Variants in PPARGC1A observed in about 807,000 individuals in gnomAD.
PPARGC1A encodes peroxisome proliferator-activated receptor gamma coactivator 1-alpha.
A neutral mutation model predicts 88.7 loss-of-function variants in PPARGC1A; 25 were observed. The observed-to-expected ratio is 0.28, with a 90% CI of 0.21 to 0.39. The LOEUF (loss-of-function observed/expected upper bound fraction) is 0.39. Among genes scored for constraint, PPARGC1A ranks in the 10% least tolerant of loss-of-function variants. The pLI, the probability that PPARGC1A is intolerant of heterozygous loss-of-function variation, is 1.00. For synonymous variants in PPARGC1A, 363 were observed against 355.6 expected (o/e 1.02, Z -0.24); for missense variants, 880 against 968.7 (o/e 0.91, Z 1.22).
chr4:24,416,758 C>CAGTG, the PPARGC1A span, among the ~76,000 whole-genome samples: 1 of 152,148 alleles, frequency 6.6e-6, no homozygotes, highest in Non-Finnish European at 1.5e-5. Flanking sequence ...TGGCTTGGCA[C>CAGTG]AGTGGCTCAC....
At chr4:23,910,208 CATATATAATATATA>C in the PPARGC1A span, among the ~76,000 whole-genome samples, 1 of 69,152 alleles carries the variant, frequency 1.4e-5, no homozygotes, top group East Asian at 3.0e-4. Context: ...AAAATTTATA[CATATATAATATATA>C]ATATATTATA....
intron 5 of PPARGC1A, among the ~76,000 whole-genome samples, chr4:23,827,984 A>G (rs925860158): frequency 1.3e-5 from 2 of 152,156 alleles, no homozygotes; most frequent in African/African-American, 4.8e-5. Flanking sequence ...ACTATTTACT[A>G]CTTCTTAAGG....
intron 2 of PPARGC1A, among the ~76,000 whole-genome samples, chr4:23,855,142 G>A (rs999911514): frequency 6.6e-6 from 1 of 152,066 alleles, no homozygotes; most frequent in African/African-American, 2.4e-5. Flanking sequence ...CTGCTGCCAT[G>A]TAGGATGTGC....
At chr4:24,104,332 G>A in the PPARGC1A span, among the ~76,000 whole-genome samples, 1 of 152,112 alleles carries the variant, frequency 6.6e-6, no homozygotes, top group East Asian at 1.9e-4. Context: ...ATCTGTGCAG[G>A]TCCTTGGTAA....
chr4:23,817,596 G>A (rs1374253137), intron 7 of PPARGC1A, among the ~76,000 whole-genome samples: 1 of 152,068 alleles, frequency 6.6e-6, no homozygotes, highest in Non-Finnish European at 1.5e-5. Flanking sequence ...AAAAATATAA[G>A]GGCTGGAAAT....
chr4:24,088,399 A>G, the PPARGC1A span, among the ~76,000 whole-genome samples: 3 of 151,950 alleles, frequency 2.0e-5, no homozygotes, highest in African/African-American at 7.2e-5. Context: ...AAGAAAGAAG[A>G]AGGAAAAAAG....
chr4:24,102,276 C>G, the PPARGC1A span, among the ~76,000 whole-genome samples: 1 of 152,270 alleles, frequency 6.6e-6, no homozygotes, highest in African/African-American at 2.4e-5. Context: ...TCATGGTACC[C>G]TAAACTATAG....
At chr4:24,063,844 C>A in the PPARGC1A span, among the ~76,000 whole-genome samples, 1 of 152,182 alleles carries the variant, frequency 6.6e-6, no homozygotes, top group African/African-American at 2.4e-5. Flanking sequence ...CTCCCCATCC[C>A]CCTCTTCCCA....
the PPARGC1A span, among the ~76,000 whole-genome samples, chr4:24,306,912 T>G: frequency 6.6e-6 from 1 of 152,336 alleles, no homozygotes; most frequent in Admixed American, 6.5e-5. Context: ...AATGTTACCA[T>G]TGTCACTAAA....
chr4:24,333,631 G>A, the PPARGC1A span, among the ~76,000 whole-genome samples: 12 of 152,046 alleles, frequency 7.9e-5, no homozygotes, highest in Admixed American at 5.9e-4. Context: ...AAACAACTGG[G>A]CCTATAAAAT....
the PPARGC1A span, among the ~76,000 whole-genome samples, chr4:24,147,267 C>T: frequency 1.3e-5 from 2 of 152,190 alleles, no homozygotes; most frequent in African/African-American, 4.8e-5. Flanking sequence ...TGGACTCATG[C>T]TCGAACCGGA....
At chr4:23,820,494 C>T in intron 7 of PPARGC1A, 1 of 270,114 alleles carries the variant, frequency 3.7e-6, no homozygotes, top group Non-Finnish European at 7.7e-6. Context: ...ATTGCTTTGC[C>T]ATTCCCATTT....
At chr4:23,877,344 G>C (rs71618531) in intron 2 of PPARGC1A, among the ~76,000 whole-genome samples, 11 of 102,420 alleles carry the variant, frequency 1.1e-4, no homozygotes, top group Non-Finnish European at 2.0e-4. Flanking sequence ...GGGAAACCCC[G>C]TCTCTACTAA....
the PPARGC1A span, among the ~76,000 whole-genome samples, chr4:23,920,516 G>A: frequency 2.0e-5 from 3 of 152,190 alleles, no homozygotes; most frequent in Non-Finnish European, 4.4e-5. Flanking sequence ...GTGATGGATT[G>A]AAGGAAGCAG....
the PPARGC1A span, among the ~76,000 whole-genome samples, chr4:24,104,887 C>T: frequency 6.6e-6 from 1 of 152,148 alleles, no homozygotes; most frequent in Non-Finnish European, 1.5e-5. Flanking sequence ...TACTGCAGTT[C>T]ACCAGCTGTG....
the PPARGC1A span, among the ~76,000 whole-genome samples, chr4:24,241,768 G>T: frequency 6.6e-6 from 1 of 152,188 alleles, no homozygotes; most frequent in Non-Finnish European, 1.5e-5. Context: ...TGTTTCGGGA[G>T]GGGGGAAACA....
At chr4:24,256,743 G>C in the PPARGC1A span, among the ~76,000 whole-genome samples, 4 of 152,108 alleles carry the variant, frequency 2.6e-5, no homozygotes, top group Non-Finnish European at 4.4e-5. Flanking sequence ...GGGCTTTGCT[G>C]TCTTGTTACT....
At chr4:23,959,458 C>T in the PPARGC1A span, among the ~76,000 whole-genome samples, 3 of 152,152 alleles carry the variant, frequency 2.0e-5, no homozygotes, top group East Asian at 3.9e-4. Context: ...AGTATGATTG[C>T]TAACTCTACA....
intron 5 of PPARGC1A, among the ~76,000 whole-genome samples, chr4:23,825,414 G>A (rs1035019628): frequency 2.6e-5 from 4 of 151,958 alleles, no homozygotes; most frequent in African/African-American, 9.7e-5. Flanking sequence ...AAGGTCAAGT[G>A]GTAGTTATTT....
Sources: gnomAD v4.1 joint callset for allele counts (sites outside exome capture counted in the v4.1 genomes callset) on GRCh38, gnomAD v4.1.1 for gene constraint, MANE v1.5 for transcripts, NCBI Gene and HGNC (gene_info 2026-07-23, HGNC 2026-07-21) for gene names.